SAFB: variants seen among roughly 807,000 people sequenced by gnomAD.
SAFB encodes scaffold attachment factor B1.
A neutral mutation model predicts 101.6 loss-of-function variants in SAFB; 15 were observed. The observed-to-expected ratio is 0.15, with a 90% confidence interval of 0.10 to 0.23. SAFB has a LOEUF of 0.23. Ranked by LOEUF, SAFB falls within the 10% of genes least tolerant of loss-of-function variation. The pLI is 1.00. For synonymous variants in SAFB, 449 were observed against 407.5 expected (o/e 1.10, Z -1.23); for missense variants, 930 against 1,104.1 (o/e 0.84, Z 2.23).
At chr19:5,643,805 G>A (rs2053770385) in intron 4 of SAFB, among the ~76,000 whole-genome samples, 1 of 151,606 alleles carries the variant, frequency 6.6e-6, no homozygotes, top group South Asian at 2.1e-4. Flanking sequence ...GGAGGTTGCA[G>A]TGAGCCAGGA....
In SAFB at chr19:5,653,423, ACC is replaced by A. The variant is rs1199565689; in HGVS notation, c.1526+6_1526+7del. The A allele has an allele frequency of 6.2e-7, 1 of 1,613,162 alleles. No individual in the cohort carries two copies. Among genetic ancestry groups the A allele is most frequent in the East Asian group, 2.2e-5 (1 of 44,868 alleles). On this transcript the variant is annotated splice_donor_5th_base_variant and intron_variant, in intron 11 of 20. Coordinates refer to ENST00000588852, the MANE Select transcript of SAFB (RefSeq NM_001201338.2). ...GAGAAGTCGAGCAACAGTGACAGGT[ACC>A]CCTCCTTCCTGGCTAAATTAAAGGG...
chr19:5,630,987 T>G (rs2053478049), intron 2 of SAFB, among the ~76,000 whole-genome samples: 1 of 150,644 alleles, frequency 6.6e-6, no homozygotes, highest in South Asian at 2.1e-4. Context: ...AGGTCAGGAG[T>G]TCGAGACCAG....
Position 5,651,088 on chromosome 19 carries a change from T to C in SAFB, c.1293+16T>C, listed in dbSNP as rs1238278830. 1.3e-6 allele frequency: 2 copies of C among 1,528,144 alleles called. No homozygotes were observed. The highest frequency in any genetic ancestry group is 4.5e-5 in the East Asian group (2 of 44,188). The allele number at this position is 1,528,144 out of a possible 1,614,324, so 94.7% of individuals were successfully genotyped here. A position where few individuals can be genotyped will look rare whatever the true frequency, so the allele number is the denominator to read the frequency against. ...ATATGGGAAGGTAAGTGCCAGAGCT[T>C]TTCTGGAGAAGATACTTTGAAACCA... On this transcript the variant is annotated intron_variant, in intron 9 of 20. Transcript: ENST00000588852.
rs34358887 is a variant in SAFB, at chr19:5,640,358, CTTTT to C, written c.275-1216_275-1213del. ...TTAACAGAGATTCAAGAAAGATTGGCTTTTTTTTTTTTTTTTTTTTTTTCTGGAG... is the reference window on the plus strand; with the variant it reads ...TTAACAGAGATTCAAGAAAGATTGGCTTTTTTTTTTTTTTTTTTTCTGGAG... On this transcript the variant is annotated intron_variant, in intron 2 of 20. Transcript: ENST00000588852. Among the ~76,000 whole-genome samples the C allele has an allele frequency of 2.1e-4, 19 of 91,538 alleles. No homozygotes were observed. In the South Asian group the frequency reaches 4.3e-3, roughly 21 times the overall value. 60.1% of individuals were successfully genotyped at this position (91,538 alleles called of 152,430 possible).
chr19:5,624,687 A>ATT (rs35651330), intron 1 of SAFB, among the ~76,000 whole-genome samples: 3,850 of 121,534 alleles, frequency 0.032, 158 homozygotes, highest in African/African-American at 0.099. Context: ...AGAAGTAGGG[A>ATT]TTTTTTTTTT....
intron 2 of SAFB, among the ~76,000 whole-genome samples, chr19:5,637,022 A>T (rs1026735736): frequency 6.6e-6 from 1 of 150,776 alleles, no homozygotes; most frequent in Non-Finnish European, 1.5e-5. Flanking sequence ...TTTCCTTAAT[A>T]CTGCTTGAAA....
intron 11 of SAFB, 36 bp from the exon 12 acceptor site, chr19:5,654,025 G>A: frequency 1.2e-6 from 2 of 1,608,156 alleles, no homozygotes; most frequent in Non-Finnish European, 1.7e-6. Context: ...ACAGGCATGA[G>A]CCACCACGCC....
intron 14 of SAFB, among the ~76,000 whole-genome samples, chr19:5,658,548 T>C (rs1264466548): frequency 2.0e-5 from 3 of 151,856 alleles, no homozygotes; most frequent in Admixed American, 6.6e-5. Flanking sequence ...CAAAATTAGC[T>C]GGGCATGTAG....
rs2053884427 is a variant in SAFB, at chr19:5,649,200, G to A, written c.849G>A (p.Ser283=). The change falls in exon 7 of 21, where the codon TCG becomes TCA. Residue 283 remains serine, a synonymous_variant. Coordinates refer to ENST00000588852, the MANE Select transcript of SAFB (RefSeq NM_001201338.2). ...GCGAGTCAACAGCACACGCTCAGTC[G>A]AGCAAGGCAGACAGCCTGTTAGCGG... The part of the protein sequence containing the change: ...LASESTAHAQ[S]SKADSLLAVV... The A allele has an allele frequency of 2.8e-6, 1 of 359,740 alleles. No homozygotes were observed. Among genetic ancestry groups the A allele is most frequent in the Non-Finnish European group, 4.6e-6 (1 of 215,156 alleles). 22.3% of individuals were successfully genotyped at this position (359,740 alleles called of 1,614,324 possible).
chr19:5,655,549 C>T (rs1462807717), intron 13 of SAFB, among the ~76,000 whole-genome samples: 1 of 151,620 alleles, frequency 6.6e-6, no homozygotes, highest in Non-Finnish European at 1.5e-5. Context: ...CAACTGGGGA[C>T]ACTCTGAGAG....
chr19:5,654,575 A>G, intron 13 of SAFB, 119 bp downstream of exon 13: 2 of 739,872 alleles, frequency 2.7e-6, no homozygotes, highest in Non-Finnish European at 4.8e-6. Flanking sequence ...CGTTTCGAAA[A>G]TGTAGAAATC....
At chr19:5,638,714 CTTTTTTTTTTTTT>C (rs758543978) in intron 2 of SAFB, among the ~76,000 whole-genome samples, 7 of 116,358 alleles carry the variant, frequency 6.0e-5, no homozygotes, top group African/African-American at 2.3e-4. Flanking sequence ...TAATCTTAGT[CTTTTTTTTTTTTT>C]TTTTTTTTTA....
chr19:5,659,637 T>TC (rs1314392326), intron 14 of SAFB, among the ~76,000 whole-genome samples: 3 of 149,126 alleles, frequency 2.0e-5, no homozygotes, highest in African/African-American at 7.5e-5. Context: ...CGCATCGGCC[T>TC]CCCAAAGTGC....
chr19:5,642,140 C>T (rs1327927110), intron 4 of SAFB, 194 bp downstream of exon 4: 3 of 665,320 alleles, frequency 4.5e-6, no homozygotes, highest in South Asian at 1.5e-5. Context: ...TTCATATGTA[C>T]TTGCTATCCA....
chr19:5,650,829 A>G (rs2145451607), intron 8 of SAFB, 149 bp from the exon 9 acceptor site: 1 of 584,850 alleles, frequency 1.7e-6, no homozygotes, highest in East Asian at 2.9e-5. Flanking sequence ...CTTGGTGAGG[A>G]TAGTGGTCAG....
Position 5,666,602 on chromosome 19 carries a change from G to A in SAFB, c.2335-444G>A, listed in dbSNP as rs148709575. ...GATACTTCCTTCACTGTGGAAGGAA[G>A]AAATTTGTAAAAATTATTTCCAGAA... On this transcript the variant is annotated intron_variant, in intron 17 of 20. Transcript: ENST00000588852. 1,569 of 169,946 alleles carry A rather than the reference G, an allele frequency of 9.2e-3. 41 individuals carry two copies. Among genetic ancestry groups the A allele is most frequent in the Admixed American group, 0.054 (987 of 18,184 alleles). 10.5% of individuals were successfully genotyped at this position (169,946 alleles called of 1,614,324 possible). A position where few individuals can be genotyped will look rare whatever the true frequency, so the allele number is the denominator to read the frequency against.
intron 2 of SAFB, among the ~76,000 whole-genome samples, chr19:5,630,870 G>A (rs1036852069): frequency 2.0e-5 from 3 of 152,108 alleles, no homozygotes; most frequent in African/African-American, 7.2e-5. Context: ...TATTTTGCAT[G>A]TGGTGTGAGG....
Position 5,641,894 on chromosome 19 carries a change from A to G in SAFB, c.494A>G (p.Glu165Gly). The G allele has an allele frequency of 6.2e-7, 1 of 1,614,160 alleles. No homozygotes were observed. Among genetic ancestry groups the G allele is most frequent in the Non-Finnish European group, 8.5e-7 (1 of 1,180,028 alleles). The change falls in exon 4 of 21, where the codon GAG (glutamate) becomes GGG (glycine). Residue 165 changes from glutamate (E) to glycine (G), a missense_variant. Transcript: ENST00000588852. ...CAGGAGTCCCTGTCGGATAGTAGAG[A>G]GCTAGTCGAGGGGGAAATGAAAGAG... ...NLQESLSDSRELVEGEMKELP... is the reference protein window; with the variant it reads ...NLQESLSDSRGLVEGEMKELP...
In SAFB at chr19:5,667,737, A is replaced by G. The variant is rs1236786630; in HGVS notation, c.2558-83A>G. On this transcript the variant is annotated intron_variant, in intron 19 of 20. Transcript: ENST00000588852. The surrounding 1 kb of genome is among the most constrained non-coding windows in gnomAD (Gnocchi z 4.0). The stretch of plus-strand genomic sequence containing the variant: ...TTGTGGGTACCTGGGGGCCTCACCA[A>G]AGGGAGTGGAGTGGGCTAAATGTGC... 2.8e-6 allele frequency: 4 copies of G among 1,411,986 alleles called. No homozygotes were observed. Among genetic ancestry groups the G allele is most frequent in the Non-Finnish European group, 4.0e-6 (4 of 1,004,794 alleles). 87.5% of individuals were successfully genotyped at this position (1,411,986 alleles called of 1,614,324 possible).
Sources: gnomAD v4.1 joint callset for allele counts (sites outside exome capture counted in the v4.1 genomes callset) on GRCh38, gnomAD v4.1.1 for gene constraint, Gnocchi (gnomAD v3.1) non-coding constraint, MANE v1.5 for transcripts, NCBI Gene and HGNC (gene_info 2026-07-23, HGNC 2026-07-21) for gene names.